DDAH1: variants seen among roughly 807,000 people sequenced by gnomAD.
DDAH1 encodes the protein dimethylarginine dimethylaminohydrolase 1.
Under a neutral mutation model 28.8 loss-of-function variants are expected in DDAH1, and 19 were observed. The observed-to-expected ratio is 0.66, with a 90% CI of 0.46 to 0.97. DDAH1 has a LOEUF of 0.97. Ranked by LOEUF, DDAH1 falls within the 50% of genes least tolerant of loss-of-function variation. The pLI, the probability that DDAH1 is intolerant of heterozygous loss-of-function variation, is 0.00. For missense variants in DDAH1, 326 were observed against 375.9 expected (o/e 0.87, Z 1.10); for synonymous variants, 153 against 154.4 (o/e 0.99, Z 0.07).
chr1:85,505,670 A>G (rs921739624), intron 1 of DDAH1, among the ~76,000 whole-genome samples: 2 of 152,228 alleles, frequency 1.3e-5, no homozygotes, highest in Non-Finnish European at 2.9e-5. Flanking sequence ...AGATTGTGCT[A>G]GAAGGGGAAT....
At chr1:85,345,202 T>C (rs1557494220) in intron 4 of DDAH1, among the ~76,000 whole-genome samples, 1 of 152,080 alleles carries the variant, frequency 6.6e-6, no homozygotes, top group Non-Finnish European at 1.5e-5. Context: ...ATTTATTCTT[T>C]GGGGGGGTTG....
At chr1:85,401,264 GA>G (rs921375547) in intron 1 of DDAH1, among the ~76,000 whole-genome samples, 3 of 152,124 alleles carry the variant, frequency 2.0e-5, no homozygotes, top group Non-Finnish European at 2.9e-5. Flanking sequence ...GGCCTACTAT[GA>G]AAACATTCAT....
At chr1:85,429,482 G>A (rs1037902525) in intron 1 of DDAH1, among the ~76,000 whole-genome samples, 1 of 152,208 alleles carries the variant, frequency 6.6e-6, no homozygotes, top group Non-Finnish European at 1.5e-5. Flanking sequence ...ACATATGTGT[G>A]CATGTGTCTT....
upstream of DDAH1, among the ~76,000 whole-genome samples, chr1:85,468,958 A>G (rs1475927914): frequency 6.6e-6 from 1 of 152,226 alleles, no homozygotes; most frequent in Non-Finnish European, 1.5e-5. Flanking sequence ...TCGGAGCTAC[A>G]GTTCAAGATG....
chr1:85,565,519 C>T (rs935147656), intron 1 of DDAH1, among the ~76,000 whole-genome samples: 2 of 151,818 alleles, frequency 1.3e-5, no homozygotes, highest in East Asian at 1.9e-4. Context: ...ATTAGATTGA[C>T]TCTATGAACT....
chr1:85,509,154 G>A (rs1191115231), intron 1 of DDAH1, among the ~76,000 whole-genome samples: 1 of 152,186 alleles, frequency 6.6e-6, no homozygotes, highest in Admixed American at 6.5e-5. Context: ...TTGCTGTTCT[G>A]CAATATTTGC....
At chr1:85,386,979 A>G (rs2100546157) in intron 1 of DDAH1, among the ~76,000 whole-genome samples, 1 of 152,294 alleles carries the variant, frequency 6.6e-6, no homozygotes, top group South Asian at 2.1e-4. Context: ...AGCAGCAGGG[A>G]CTGGGGGGTA....
chr1:85,411,003 C>T (rs758344823), intron 1 of DDAH1, among the ~76,000 whole-genome samples: 1 of 152,116 alleles, frequency 6.6e-6, no homozygotes, highest in Non-Finnish European at 1.5e-5. Context: ...TTGTAGATAG[C>T]ACTGTTCATC....
chr1:85,370,296 G>C (rs934292341), intron 1 of DDAH1, among the ~76,000 whole-genome samples: 2 of 152,204 alleles, frequency 1.3e-5, no homozygotes, highest in Non-Finnish European at 2.9e-5. Context: ...CTTGATATCA[G>C]ACTGCTAGCC....
intron 5 of DDAH1, among the ~76,000 whole-genome samples, chr1:85,321,907 A>G (rs932312906): frequency 5.3e-5 from 8 of 151,980 alleles, no homozygotes; most frequent in Middle Eastern, 3.2e-3. Flanking sequence ...TTCACACTTT[A>G]TTTTTATTTA....
At chr1:85,501,302 G>C (rs1005186961) in intron 1 of DDAH1, among the ~76,000 whole-genome samples, 4 of 152,032 alleles carry the variant, frequency 2.6e-5, no homozygotes, top group Admixed American at 2.0e-4. Context: ...TCCTCCTACC[G>C]CCTGGCCTTT....
chr1:85,424,714 C>T (rs1014520468), intron 1 of DDAH1, among the ~76,000 whole-genome samples: 3 of 151,858 alleles, frequency 2.0e-5, no homozygotes, highest in African/African-American at 7.3e-5. Flanking sequence ...GCATATATAC[C>T]ACCTTAATGA....
chr1:85,337,601 A>C (rs1648220590), intron 4 of DDAH1, among the ~76,000 whole-genome samples: 2 of 151,964 alleles, frequency 1.3e-5, no homozygotes, highest in Admixed American at 6.6e-5. Context: ...CTACAGGCAC[A>C]CACCACCATG....
intron 1 of DDAH1, among the ~76,000 whole-genome samples, chr1:85,556,032 G>T (rs541485197): frequency 8.3e-4 from 126 of 152,098 alleles, no homozygotes; most frequent in African/African-American, 2.6e-3. Context: ...AGAACAGAAG[G>T]CACGAACAGG....
chr1:85,503,612 A>G (rs1421700858), intron 1 of DDAH1, among the ~76,000 whole-genome samples: 1 of 151,972 alleles, frequency 6.6e-6, no homozygotes, highest in Non-Finnish European at 1.5e-5. Context: ...AAGCCCATGA[A>G]GGTACCAGGT....
intron 1 of DDAH1, among the ~76,000 whole-genome samples, chr1:85,534,579 A>C (rs1284811063): frequency 1.3e-5 from 2 of 152,054 alleles, no homozygotes; most frequent in African/African-American, 4.8e-5. Flanking sequence ...TCATTATTCT[A>C]TGTTCCTTCC....
intron 1 of DDAH1, among the ~76,000 whole-genome samples, chr1:85,370,193 G>A (rs1169162480): frequency 1.3e-5 from 2 of 152,172 alleles, no homozygotes; most frequent in East Asian, 3.9e-4. Context: ...AGCAGACTAG[G>A]ATAAAGAGAC....
Position 85,350,538 on chromosome 1 carries a change from C to A in DDAH1, c.478-4G>T, listed in dbSNP as rs373149957. On this transcript the variant is annotated splice_region_variant and splice_polypyrimidine_tract_variant and intron_variant, in intron 3 of 5. Coordinates refer to ENST00000284031, the MANE Select transcript of DDAH1 (RefSeq NM_012137.4). Reference sequence around the variant, plus strand: ...GCACTGTGGAGACTGCATAGTCCTACGTGGACAATAGAAAAACAAGCAGTT... The same window carrying A: ...GCACTGTGGAGACTGCATAGTCCTAAGTGGACAATAGAAAAACAAGCAGTT... The A allele has an allele frequency of 6.2e-7, 1 of 1,610,322 alleles. No homozygotes were observed. The highest frequency in any genetic ancestry group is 8.5e-7 in the Non-Finnish European group (1 of 1,179,070).
chr1:85,404,437 C>A, intron 1 of DDAH1: 1 of 1,531,816 alleles, frequency 6.5e-7, no homozygotes, highest in Non-Finnish European at 8.7e-7. Context: ...GCAGTTCCTC[C>A]GCAATCTTTT....
Sources: allele counts gnomAD v4.1 joint callset (sites outside exome capture counted in the v4.1 genomes callset), GRCh38; gene constraint gnomAD v4.1.1; transcripts MANE v1.5; gene names NCBI Gene and HGNC (gene_info 2026-07-23, HGNC 2026-07-21).